SIGLEC11: variants seen among roughly 807,000 people sequenced by gnomAD.
The protein encoded by SIGLEC11 is sialic acid binding Ig like lectin 11.
SIGLEC11 carries 47 observed loss-of-function variants against 61.2 expected under a neutral mutation model. The ratio of observed to expected loss-of-function variants is 0.77; its 90% CI spans 0.61 to 0.98. The LOEUF is 0.98. Among genes scored for constraint, SIGLEC11 ranks in the 50% least tolerant of loss-of-function variants. The pLI, the probability that SIGLEC11 is intolerant of heterozygous loss-of-function variation, is 0.00. For missense variants in SIGLEC11, 610 were observed against 870.3 expected, an observed-to-expected ratio of 0.70 and a Z score of 3.76; for synonymous variants, 278 against 373.1, an observed-to-expected ratio of 0.75 and a Z score of 2.94.
Position 49,955,390 on chromosome 19 carries a change from G to A in SIGLEC11, c.1651+2893C>T, listed in dbSNP as rs1370542596. ...TCTACCAAGCCTCTGGGCCTATAAC[G>A]GCCCAGGGGTGGACTACGGCTGTGC... is the stretch of plus-strand genomic sequence containing the variant. On this transcript the variant is annotated intron_variant, in intron 8 of 10. Transcript: ENST00000447370. The surrounding 1 kb of genome is among the most constrained non-coding windows in gnomAD (Gnocchi z 4.5). Among the ~76,000 whole-genome samples, 1 of 151,546 alleles carries A rather than the reference G, an allele frequency of 6.6e-6. No individual in the cohort carries two copies. The highest frequency in any genetic ancestry group is 1.5e-5 in the Non-Finnish European group (1 of 67,954).
At chr19:49,954,537 G>T (rs186364342) in intron 8 of SIGLEC11, among the ~76,000 whole-genome samples, 1 of 152,124 alleles carries the variant, frequency 6.6e-6, no homozygotes, top group Non-Finnish European at 1.5e-5. Context: ...GTTCGGAGGT[G>T]GGGGGCAACG....
In SIGLEC11 at chr19:49,960,390, G is replaced by A. The variant is rs377136595; in HGVS notation, c.492C>T (p.Pro164=). 3.9e-5 allele frequency: 63 copies of A among 1,597,270 alleles called. No homozygotes were observed. The highest frequency in any genetic ancestry group is 1.7e-4 in the Middle Eastern group (1 of 6,016). Residue 164 remains proline, a synonymous_variant, in exon 3 of 11, where the codon CCC becomes CCT. Transcript: ENST00000447370. The part of the protein sequence containing the change: ...ALTKKPDVYI[P]ETLEPGQPVT... ...CCGGCTGCCCGGGCTCCAGGGTCTC[G>A]GGGATGTAGACATCAGGCTTCTTAG... is the stretch of plus-strand genomic sequence containing the variant.
In SIGLEC11 at chr19:49,951,193, G is replaced by A. The variant is rs914844249; in HGVS notation, c.1830+698C>T. Among the ~76,000 whole-genome samples the A allele has an allele frequency of 4.6e-5, 7 of 152,208 alleles. No individual in the cohort carries two copies. The highest frequency in any genetic ancestry group is 1.7e-4 in the African/African-American group (7 of 41,460). ...CGTGACCCACCCCCAGTGAACCCTG[G>A]ACCCAGGTTTGGTGGAGCTTCCCAG... On this transcript the variant is annotated intron_variant, in intron 10 of 10. Coordinates refer to ENST00000447370, the MANE Select transcript of SIGLEC11 (RefSeq NM_052884.3). The surrounding 1 kb of genome is among the most constrained non-coding windows in gnomAD (Gnocchi z 4.6).
rs2076144852 is a variant in SIGLEC11, at chr19:49,949,630, C to T, written c.*340G>A. ...GCAGAGGCGGGCAGATTGCTTGAGC[C>T]CAGGAGTCTGAGACCAGCCAGGGAA... On this transcript the variant is annotated 3_prime_UTR_variant, in exon 11 of 11. Transcript: ENST00000447370. The T allele has an allele frequency of 4.8e-5, 8 of 166,930 alleles. No individual in the cohort carries two copies. The South Asian group carries it at 8.1e-4, about 17-fold the overall frequency. 10.3% of individuals were successfully genotyped at this position (166,930 alleles called of 1,614,324 possible). A position where few individuals can be genotyped will look rare whatever the true frequency, so the allele number is the denominator to read the frequency against.
chr19:49,957,325 A>G (rs201830686), intron 8 of SIGLEC11, among the ~76,000 whole-genome samples: 4 of 152,188 alleles, frequency 2.6e-5, no homozygotes, highest in African/African-American at 4.8e-5. Context: ...AACTGAGGCA[A>G]AAATTTAAAA....
In SIGLEC11 at chr19:49,959,052, C is replaced by T. The variant is rs1391933083; in HGVS notation, c.1083G>A (p.Met361Ile). Residue 361 changes from methionine (M) to isoleucine (I), a missense_variant, in exon 6 of 11, where the codon ATG becomes ATA. Transcript: ENST00000447370. Reference protein sequence around the residue: ...VQYPPENLRVMVSQANRTVLE... With the variant: ...VQYPPENLRVIVSQANRTVLE... ...TACCTGTCCTGTTTGCTTGGGAAAC[C>T]ATCACTCTCAGGTTCTCTGGAGGAT... 6 of 1,613,872 alleles carry T rather than the reference C, an allele frequency of 3.7e-6. No homozygotes were observed. Among genetic ancestry groups the T allele is most frequent in the Non-Finnish European group, 5.1e-6 (6 of 1,179,824 alleles).
chr19:49,953,752 G>A (rs76542509), intron 8 of SIGLEC11, among the ~76,000 whole-genome samples: 1 of 152,098 alleles, frequency 6.6e-6, no homozygotes, highest in African/African-American at 2.4e-5. Flanking sequence ...GAAAACTCCC[G>A]TAATAGGAGA....
At chr19:49,950,814 T>A (rs1267702415) in intron 10 of SIGLEC11, among the ~76,000 whole-genome samples, 2 of 151,936 alleles carry the variant, frequency 1.3e-5, no homozygotes, top group African/African-American at 4.8e-5. Flanking sequence ...AAGGAGGAGG[T>A]GTGAGAAAGA....
At position 49,952,285 on chromosome 19, in the gene SIGLEC11, C is replaced by T. The variant is rs1294234477; in HGVS notation, c.1748+13G>A. The T allele has an allele frequency of 1.2e-6, 2 of 1,611,828 alleles. No individual in the cohort carries two copies. The highest frequency in any genetic ancestry group is 1.3e-5 in the African/African-American group (1 of 74,914). On this transcript the variant is annotated intron_variant, in intron 9 of 10. Transcript: ENST00000447370. ...CTTCCCACACCCTGCATTGCCTGCC[C>T]TCCGATGCTTACCTGAAGACGACAA...
rs775915369 is a variant in SIGLEC11 at position 49,952,274 on chromosome 19, C to CA, written c.1748+23dup. 5 of 1,607,660 alleles carry CA rather than the reference C, an allele frequency of 3.1e-6. No individual in the cohort carries two copies. The East Asian group carries it at 1.1e-4, about 36-fold the overall frequency. On this transcript the variant is annotated intron_variant, in intron 9 of 10. Transcript: ENST00000447370. ...GAACCCTCACCCTTCCCACACCCTG[C>CA]ATTGCCTGCCCTCCGATGCTTACCT...
chr19:49,957,398 A>AAAC (rs2076204387), intron 8 of SIGLEC11, among the ~76,000 whole-genome samples: 2 of 145,594 alleles, frequency 1.4e-5, no homozygotes, highest in South Asian at 6.8e-4. Context: ...AAAAAAAAAC[A>AAAC]AAAAAAACCC....
At position 49,951,903 on chromosome 19, in the gene SIGLEC11, T is replaced by C. The variant is rs1372654825; in HGVS notation, c.1818A>G (p.Gly606=). ...GCTGGGCTCTCACCTGGGAGATGGG[T>C]CCCAGGGTGGAGGGCACGTCCTGCT... is the stretch of plus-strand genomic sequence containing the variant. ...AAEQDVPSTL[G]PISQGHQHEC... Residue 606 remains glycine, a synonymous_variant, in exon 10 of 11, where the codon GGA becomes GGG. Coordinates refer to ENST00000447370, the MANE Select transcript of SIGLEC11 (RefSeq NM_052884.3). The surrounding 1 kb of genome is among the most constrained non-coding windows in gnomAD (Gnocchi z 4.6). 3 of 1,605,758 alleles carry C rather than the reference T, an allele frequency of 1.9e-6. No individual in the cohort carries two copies. The highest frequency in any genetic ancestry group is 1.7e-6 in the Non-Finnish European group (2 of 1,176,460).
At position 49,955,481 on chromosome 19, in the gene SIGLEC11, A is replaced by G. The variant is rs1053980317; in HGVS notation, c.1651+2802T>C. Among the ~76,000 whole-genome samples the G allele has an allele frequency of 6.6e-6, 1 of 152,220 alleles. No homozygotes were observed. The highest frequency in any genetic ancestry group is 1.5e-5 in the Non-Finnish European group (1 of 68,032). On this transcript the variant is annotated intron_variant, in intron 8 of 10. Transcript: ENST00000447370. This position sits in a 1 kb window ranked among gnomAD's most constrained non-coding sequence, Gnocchi z 4.5. The stretch of plus-strand genomic sequence containing the variant: ...AAAAGAAAAATCAGAAAGAAACAGT[A>G]AAGATAGATGGCAGTGCGTGCGTGC...
In SIGLEC11 at chr19:49,958,869, G is replaced by C; in HGVS notation, c.1137C>G (p.Leu379=). 6.2e-7 allele frequency: 1 copy of C among 1,604,012 alleles called. No homozygotes were observed. Among genetic ancestry groups the C allele is most frequent in the South Asian group, 1.1e-5 (1 of 89,800 alleles). ...VLENLGNGTS[L]PVLEGQSLRL... The stretch of plus-strand genomic sequence containing the variant: ...GCAGGCTTTGGCCCTCCAGGACCGG[G>C]AGGGATGTGCCGTTCCCGAGGTTTT... The change falls in exon 7 of 11, where the codon CTC becomes CTG. Residue 379 remains leucine (L), a synonymous_variant. Transcript: ENST00000447370.
chr19:49,951,959 T>G lies in SIGLEC11; in HGVS notation c.1762A>C (p.Arg588=). 1 of 1,610,634 alleles carries G rather than the reference T, an allele frequency of 6.2e-7. No individual in the cohort carries two copies. The highest frequency in any genetic ancestry group is 8.5e-7 in the Non-Finnish European group (1 of 1,178,842). The change falls in exon 10 of 11, where the codon AGG becomes CGG. Residue 588 remains arginine, a synonymous_variant. Transcript: ENST00000447370. This position sits in a 1 kb window ranked among gnomAD's most constrained non-coding sequence, Gnocchi z 4.6. Reference sequence around the variant, plus strand: ...GCTGCCCTCTTGCGAGCTTCCTTCCTGCAGATCTTCACCCTGAGGGAGGAG... The same window carrying G: ...GCTGCCCTCTTGCGAGCTTCCTTCCGGCAGATCTTCACCCTGAGGGAGGAG... ...CLVVFRVKIC[R]KEARKRAAAE...
chr19:49,949,884 G>A lies in SIGLEC11; in HGVS notation c.*86C>T. 2 of 1,275,228 alleles carry A rather than the reference G, an allele frequency of 1.6e-6. No homozygotes were observed. The highest frequency in any genetic ancestry group is 7.4e-5 in the Admixed American group (2 of 26,860). 79.0% of individuals were successfully genotyped at this position (1,275,228 alleles called of 1,614,324 possible). Reference sequence around the variant, plus strand: ...CAAACTCAAGCTCTTCATTGGGGATGGGGCTGAAATCTGAGTCCAGTTCTG... The same window carrying A: ...CAAACTCAAGCTCTTCATTGGGGATAGGGCTGAAATCTGAGTCCAGTTCTG... On this transcript the variant is annotated 3_prime_UTR_variant, in exon 11 of 11. Transcript: ENST00000447370.
intron 8 of SIGLEC11, 70 bp from the exon 9 acceptor site, chr19:49,952,464 A>G: frequency 1.8e-6 from 2 of 1,136,908 alleles, no homozygotes. Flanking sequence ...CCTCCCACAG[A>G]CCTAGAGCTC....
At position 49,955,974 on chromosome 19, in the gene SIGLEC11, G is replaced by A. The variant is rs283514; in HGVS notation, c.1651+2309C>T. On this transcript the variant is annotated intron_variant, in intron 8 of 10. Transcript: ENST00000447370. This position sits in a 1 kb window ranked among gnomAD's most constrained non-coding sequence, Gnocchi z 4.5. The stretch of plus-strand genomic sequence containing the variant: ...AAAGAACTTGTACTTATGGCCGGGC[G>A]CAGTGGCTCACACCTGTAATCCTGT... Among the ~76,000 whole-genome samples, 2,518 of 151,250 alleles carry A rather than the reference G, an allele frequency of 0.017. 30 individuals are homozygous for A. Among genetic ancestry groups the A allele is most frequent in the Middle Eastern group, 0.038 (11 of 288 alleles).
rs1370674768 is a variant in SIGLEC11 at position 49,955,119 on chromosome 19, A to C, written c.1652-2725T>G. Among the ~76,000 whole-genome samples, 15 of 152,126 alleles carry C rather than the reference A, an allele frequency of 9.9e-5. No individual in the cohort carries two copies. Among genetic ancestry groups the C allele is most frequent in the Admixed American group, 9.2e-4 (14 of 15,264 alleles). On this transcript the variant is annotated intron_variant, in intron 8 of 10. Coordinates refer to ENST00000447370, the MANE Select transcript of SIGLEC11 (RefSeq NM_052884.3). This position sits in a 1 kb window ranked among gnomAD's most constrained non-coding sequence, Gnocchi z 4.5. Reference sequence around the variant, plus strand: ...CAGGGTGACGTCAAGCGGCAGCTGCAGGCATGAATGCCACCCAGCTTATAA... The same window carrying C: ...CAGGGTGACGTCAAGCGGCAGCTGCCGGCATGAATGCCACCCAGCTTATAA...
Sources: allele counts gnomAD v4.1 joint callset (sites outside exome capture counted in the v4.1 genomes callset), GRCh38; gene constraint gnomAD v4.1.1; non-coding constraint Gnocchi (gnomAD v3.1); transcripts MANE v1.5; gene names NCBI Gene and HGNC (gene_info 2026-07-23, HGNC 2026-07-21).